FSTL4: variants seen among roughly 807,000 people sequenced by gnomAD.
FSTL4 encodes the protein follistatin like 4.
FSTL4 carries 28 observed loss-of-function variants against 78.2 expected under a neutral mutation model. The observed-to-expected ratio is 0.36, with a 90% confidence interval of 0.27 to 0.49. FSTL4 has a LOEUF of 0.49. Among genes scored for constraint, FSTL4 ranks in the 20% least tolerant of loss-of-function variants. FSTL4 has a pLI of 0.98. For missense variants in FSTL4, 922 were observed against 1,084.9 expected (o/e 0.85, Z 2.11); for synonymous variants, 422 against 440.5 (o/e 0.96, Z 0.53).
chr5:133,352,231 C>CACACACACATATATAT lies in FSTL4; in HGVS notation c.410-35580_410-35579insATATATATGTGTGTGT, dbSNP rs1561682794. On this transcript the variant is annotated intron_variant, in intron 4 of 15. Transcript: ENST00000265342. ...CATTAGTCCCCACGTCTTTTGTTCT[C>CACACACACATATATAT]ACACACATATATATATACACACATA... is the stretch of plus-strand genomic sequence containing the variant. Among the ~76,000 whole-genome samples the CACACACACATATATAT allele has an allele frequency of 3.3e-3, 485 of 145,498 alleles. 8 individuals carry two copies. The highest frequency in any genetic ancestry group is 0.011 in the African/African-American group (441 of 38,760).
chr5:133,832,172 T>C, the FSTL4 span, among the ~76,000 whole-genome samples: 1 of 152,246 alleles, frequency 6.6e-6, no homozygotes, highest in Admixed American at 6.5e-5. Context: ...CGATTTCGCC[T>C]CCTGCATTGT....
chr5:133,359,170 C>T (rs2126933118), intron 4 of FSTL4, among the ~76,000 whole-genome samples: 1 of 152,344 alleles, frequency 6.6e-6, no homozygotes, highest in South Asian at 2.1e-4. Flanking sequence ...GGTGGCCATT[C>T]TGTGTGCCTT....
At chr5:133,674,724 G>A in the FSTL4 span, among the ~76,000 whole-genome samples, 1 of 152,160 alleles carries the variant, frequency 6.6e-6, no homozygotes, top group African/African-American at 2.4e-5. Context: ...CTGGCACACA[G>A]TGGTGCACAA....
intron 6 of FSTL4, among the ~76,000 whole-genome samples, chr5:133,280,223 C>G (rs568858339): frequency 7.9e-5 from 12 of 152,330 alleles, no homozygotes; most frequent in African/African-American, 2.6e-4. Context: ...GCCACCTGCT[C>G]TGACCCCTGG....
At chr5:133,244,666 T>TA in intron 7 of FSTL4, 1 of 152,388 alleles carries the variant, frequency 6.6e-6, no homozygotes, top group East Asian at 1.9e-4. Flanking sequence ...TTGGGGGCCT[T>TA]ACACCATTCG....
At chr5:133,614,296 T>G (rs1278579918), upstream of FSTL4, among the ~76,000 whole-genome samples, 2 of 152,206 alleles carry the variant, frequency 1.3e-5, no homozygotes, top group African/African-American at 4.8e-5. Context: ...TCAGGGTCTA[T>G]AGGTTGACCA....
intron 4 of FSTL4, among the ~76,000 whole-genome samples, chr5:133,375,649 TAAAAA>T (rs1755416783): frequency 6.6e-6 from 1 of 152,164 alleles, no homozygotes; most frequent in Non-Finnish European, 1.5e-5. Flanking sequence ...TACTTTGTGA[TAAAAA>T]TGTACCTTAT....
chr5:133,817,198 T>C, the FSTL4 span, among the ~76,000 whole-genome samples: 5 of 152,252 alleles, frequency 3.3e-5, no homozygotes, highest in Non-Finnish European at 7.3e-5. Context: ...GCTGAGTCTA[T>C]TATCGTCCCC....
At chr5:133,595,209 T>G (rs997501270) in intron 2 of FSTL4, among the ~76,000 whole-genome samples, 1 of 151,848 alleles carries the variant, frequency 6.6e-6, no homozygotes, top group Admixed American at 6.6e-5. Context: ...GGGTCCCACC[T>G]GTTCCTACAC....
chr5:133,381,549 G>A (rs1226282533), intron 4 of FSTL4, among the ~76,000 whole-genome samples: 1 of 152,208 alleles, frequency 6.6e-6, no homozygotes, highest in Non-Finnish European at 1.5e-5. Flanking sequence ...CCTCCAGGCA[G>A]GGAGGAGGAC....
intron 6 of FSTL4, among the ~76,000 whole-genome samples, chr5:133,282,648 G>T (rs1753036389): frequency 6.6e-6 from 1 of 152,108 alleles, no homozygotes; most frequent in African/African-American, 2.4e-5. Flanking sequence ...TGCCCTGGGG[G>T]CTGGGACTGC....
chr5:133,663,666 G>C, the FSTL4 span, among the ~76,000 whole-genome samples: 4 of 152,352 alleles, frequency 2.6e-5, no homozygotes, highest in Admixed American at 2.0e-4. Context: ...ATTCAAAAGG[G>C]GATCTTTCCA....
In FSTL4 at chr5:133,210,212, G is replaced by T. The variant is rs1561619632; in HGVS notation, c.1695C>A (p.His565Gln). 1.9e-6 allele frequency: 3 copies of T among 1,606,198 alleles called. No individual in the cohort carries two copies. Among genetic ancestry groups the T allele is most frequent in the Middle Eastern group, 1.7e-4 (1 of 6,042 alleles). The change falls in exon 14 of 16, where the codon CAC (histidine) becomes CAA (glutamine). Residue 565 changes from histidine (H) to glutamine (Q), a missense_variant. By Grantham distance (24) the His-to-Gln change is conservative. Coordinates refer to ENST00000265342, the MANE Select transcript of FSTL4 (RefSeq NM_015082.2). Reference protein sequence around the residue: ...QVWVLSWGDVHKSRPSLQVIT... With the variant: ...QVWVLSWGDVQKSRPSLQVIT... ...ATACCTGGAGACTTGGTCGGGACTT[G>T]TGCACGTCCCCCCAGCTCAGGACCC...
At chr5:133,531,190 C>A (rs1249819189) in intron 3 of FSTL4, among the ~76,000 whole-genome samples, 1 of 152,170 alleles carries the variant, frequency 6.6e-6, no homozygotes, top group African/African-American at 2.4e-5. Context: ...ATCTTTCCAT[C>A]GAAATCTTAG....
At chr5:133,659,613 T>C in the FSTL4 span, among the ~76,000 whole-genome samples, 1 of 151,108 alleles carries the variant, frequency 6.6e-6, no homozygotes. Context: ...TATATTAATG[T>C]TAATATTAAT....
chr5:133,226,397 T>G (rs571769683), intron 8 of FSTL4, among the ~76,000 whole-genome samples: 5 of 152,126 alleles, frequency 3.3e-5, no homozygotes, highest in Admixed American at 6.5e-5. Flanking sequence ...GGCAGTCAGG[T>G]TCAGGGTTGG....
intron 7 of FSTL4, among the ~76,000 whole-genome samples, chr5:133,243,087 T>C (rs1354037079): frequency 1.3e-5 from 2 of 152,252 alleles, no homozygotes; most frequent in East Asian, 3.8e-4. Flanking sequence ...CCTGGTTTTA[T>C]ACCATTTAGG....
chr5:133,470,467 G>A (rs1757797303), intron 3 of FSTL4, among the ~76,000 whole-genome samples: 1 of 152,182 alleles, frequency 6.6e-6, no homozygotes, highest in South Asian at 2.1e-4. Flanking sequence ...GTCTTAGGCT[G>A]GGCGCAGTGG....
chr5:133,525,498 T>C (rs1759075318), intron 3 of FSTL4, among the ~76,000 whole-genome samples: 2 of 152,248 alleles, frequency 1.3e-5, no homozygotes, highest in African/African-American at 2.4e-5. Flanking sequence ...TCTCATTTGA[T>C]GGTGAGTGGG....
Sources: gnomAD v4.1 joint callset for allele counts (sites outside exome capture counted in the v4.1 genomes callset) on GRCh38, gnomAD v4.1.1 for gene constraint, MANE v1.5 for transcripts, NCBI Gene and HGNC (gene_info 2026-07-23, HGNC 2026-07-21) for gene names.